HMCN1: variants seen among roughly 807,000 people sequenced by gnomAD.
HMCN1 encodes the protein hemicentin 1.
HMCN1 carries 321 observed loss-of-function variants against 625.9 expected under a neutral mutation model. The ratio of observed to expected loss-of-function variants is 0.51; its 90% confidence interval spans 0.47 to 0.56. HMCN1 has a LOEUF of 0.56. Among genes scored for constraint, HMCN1 ranks in the 20% least tolerant of loss-of-function variants. The pLI, the probability that HMCN1 is intolerant of heterozygous loss-of-function variation, is 0.00. For missense variants in HMCN1, 6,588 were observed against 6,887.3 expected (o/e 0.96, Z 1.54); for synonymous variants, 2,425 against 2,417.6 (o/e 1.00, Z -0.09).
chr1:185,979,283 G>A (rs1385773638), intron 16 of HMCN1, among the ~76,000 whole-genome samples: 4 of 152,074 alleles, frequency 2.6e-5, no homozygotes, highest in Admixed American at 6.6e-5. Flanking sequence ...TGATAGGCAG[G>A]AAAAGGTACA....
In HMCN1 at chr1:186,001,204, T is replaced by C; in HGVS notation, c.4070-94T>C. ...GTCTAGCTTTTCTAGCCATCAAATATTTCAGAATTTGCTGTATAAAGGCCC... is the reference window on the plus strand; with the variant it reads ...GTCTAGCTTTTCTAGCCATCAAATACTTCAGAATTTGCTGTATAAAGGCCC... On this transcript the variant is annotated intron_variant, in intron 26 of 106. Coordinates refer to ENST00000271588, the MANE Select transcript of HMCN1 (RefSeq NM_031935.3). 2.8e-6 allele frequency: 3 copies of C among 1,080,198 alleles called. No individual in the cohort carries two copies. In the South Asian group the frequency reaches 4.1e-5, roughly 15 times the overall value. The allele number at this position is 1,080,198 out of a possible 1,614,324, so 66.9% of individuals were successfully genotyped here.
At chr1:185,853,487 G>A (rs1038499828) in intron 2 of HMCN1, among the ~76,000 whole-genome samples, 11 of 152,060 alleles carry the variant, frequency 7.2e-5, no homozygotes, top group Non-Finnish European at 1.6e-4. Flanking sequence ...ATTCCTTTGG[G>A]CCTGAATGAA....
At chr1:185,782,217 C>T (rs1397826442) in intron 1 of HMCN1, among the ~76,000 whole-genome samples, 19 of 152,222 alleles carry the variant, frequency 1.2e-4, no homozygotes, top group African/African-American at 4.3e-4. Flanking sequence ...TCCTCCATCC[C>T]TTTATTTTGA....
chr1:185,757,287 A>C (rs1268122635), intron 1 of HMCN1, among the ~76,000 whole-genome samples: 1 of 152,194 alleles, frequency 6.6e-6, no homozygotes, highest in South Asian at 2.1e-4. Flanking sequence ...TTTAAATAAA[A>C]TATAAATTTC....
intron 89 of HMCN1, among the ~76,000 whole-genome samples, chr1:186,139,908 T>C (rs1406775647): frequency 1.3e-5 from 2 of 152,094 alleles, no homozygotes; most frequent in African/African-American, 4.8e-5. Flanking sequence ...TAAGACAGCC[T>C]TTCTCATCCA....
chr1:186,161,829 C>A (rs1278880472), intron 97 of HMCN1, among the ~76,000 whole-genome samples: 1 of 152,286 alleles, frequency 6.6e-6, no homozygotes, highest in African/African-American at 2.4e-5. Flanking sequence ...GGTAACCCAA[C>A]CTTTCTCTCT....
chr1:185,997,410 G>T lies in HMCN1; in HGVS notation c.3779-19G>T. Reference sequence around the variant, plus strand: ...TTGCTCAAAGAAAGCCTGTGATAATGCATTTATTTTCCTAATAGAACCACC... The same window carrying T: ...TTGCTCAAAGAAAGCCTGTGATAATTCATTTATTTTCCTAATAGAACCACC... On this transcript the variant is annotated intron_variant, in intron 24 of 106. Transcript: ENST00000271588. 1 of 1,493,162 alleles carries T rather than the reference G, an allele frequency of 6.7e-7. No individual in the cohort carries two copies. Among genetic ancestry groups the T allele is most frequent in the Non-Finnish European group, 9.3e-7 (1 of 1,070,714 alleles). The allele number at this position is 1,493,162 out of a possible 1,614,324, so 92.5% of individuals were successfully genotyped here. A position where few individuals can be genotyped will look rare whatever the true frequency, so the allele number is the denominator to read the frequency against.
chr1:186,104,548 C>T (rs1229630603), intron 69 of HMCN1, among the ~76,000 whole-genome samples: 1 of 152,156 alleles, frequency 6.6e-6, no homozygotes, highest in Non-Finnish European at 1.5e-5. Flanking sequence ...TCTACTATGT[C>T]CTGTTGTGTT....
chr1:185,868,807 A>G lies in HMCN1; in HGVS notation c.621+2944A>G, dbSNP rs1663429759. 2.0e-5 allele frequency among the ~76,000 whole-genome samples: 3 copies of G among 152,308 alleles called. 1 individual carries two copies. The South Asian group carries it at 6.2e-4, about 32-fold the overall frequency. On this transcript the variant is annotated intron_variant, in intron 4 of 106. Coordinates refer to ENST00000271588, the MANE Select transcript of HMCN1 (RefSeq NM_031935.3). Reference sequence around the variant, plus strand: ...AAGAAGAATACTTTATAAAAATTTGATGTAAATTCAGAAAATTTTATAAAT... The same window carrying G: ...AAGAAGAATACTTTATAAAAATTTGGTGTAAATTCAGAAAATTTTATAAAT...
intron 2 of HMCN1, among the ~76,000 whole-genome samples, 182 bp from the exon 3 acceptor site, chr1:185,864,288 C>T (rs1454534018): frequency 2.0e-5 from 3 of 152,116 alleles, no homozygotes; most frequent in African/African-American, 7.2e-5. Flanking sequence ...TCCTTAAGTA[C>T]ACATTTTTCT....
rs1236381202 is a variant in HMCN1 at position 186,057,215 on chromosome 1, GTTTTA to G, written c.7145-14_7145-10del. On this transcript the variant is annotated splice_polypyrimidine_tract_variant and intron_variant, in intron 45 of 106. Transcript: ENST00000271588. ...CAACTAATATTTCCATTCCCTGTTT[GTTTTA>G]TTTTGTCTTACAGCTCCTCCAAGCA... 1 of 1,601,670 alleles carries G rather than the reference GTTTTA, an allele frequency of 6.2e-7. No individual in the cohort carries two copies. The highest frequency in any genetic ancestry group is 1.3e-5 in the African/African-American group (1 of 74,676).
At chr1:186,157,811 G>A (rs1055052012) in intron 97 of HMCN1, among the ~76,000 whole-genome samples, 10 of 152,100 alleles carry the variant, frequency 6.6e-5, no homozygotes, top group African/African-American at 1.9e-4. Context: ...TGGTGTATAT[G>A]TGCCACATTT....
chr1:185,902,915 GC>G (rs1341147565), intron 4 of HMCN1, among the ~76,000 whole-genome samples: 3 of 150,764 alleles, frequency 2.0e-5, no homozygotes, highest in Non-Finnish European at 4.4e-5. Context: ...CTGAGATTTG[GC>G]CATTCTAAAA....
intron 5 of HMCN1, among the ~76,000 whole-genome samples, chr1:185,910,269 A>G (rs1191002169): frequency 6.6e-6 from 1 of 152,174 alleles, no homozygotes; most frequent in African/African-American, 2.4e-5. Context: ...CCAAAAGAAA[A>G]CAACCTATGA....
At chr1:185,816,906 C>T (rs1216301310) in intron 1 of HMCN1, among the ~76,000 whole-genome samples, 1 of 152,162 alleles carries the variant, frequency 6.6e-6, no homozygotes, top group East Asian at 1.9e-4. Flanking sequence ...TCTTTTTGGT[C>T]TATTGCTTAG....
At chr1:185,871,074 C>T (rs1247946253) in intron 4 of HMCN1, among the ~76,000 whole-genome samples, 1 of 151,962 alleles carries the variant, frequency 6.6e-6, no homozygotes, top group Non-Finnish European at 1.5e-5. Context: ...TACTAAAATA[C>T]AAAAATTAGC....
At chr1:185,930,943 C>G (rs1423262769) in intron 10 of HMCN1, among the ~76,000 whole-genome samples, 1 of 150,480 alleles carries the variant, frequency 6.6e-6, no homozygotes, top group Non-Finnish European at 1.5e-5. Flanking sequence ...CACACACACA[C>G]AGAGTACTAA....
intron 23 of HMCN1, among the ~76,000 whole-genome samples, chr1:185,993,739 A>G (rs1416178841): frequency 1.3e-5 from 2 of 152,196 alleles, no homozygotes; most frequent in Non-Finnish European, 2.9e-5. Flanking sequence ...GGACTCTTTG[A>G]CTACAGCTCC....
At chr1:185,819,258 G>A (rs1206364208) in intron 1 of HMCN1, among the ~76,000 whole-genome samples, 1 of 147,492 alleles carries the variant, frequency 6.8e-6, no homozygotes, top group African/African-American at 2.6e-5. Context: ...AAAAGGACCT[G>A]CTGCTAGCTT....
Sources: gnomAD v4.1 joint callset for allele counts (sites outside exome capture counted in the v4.1 genomes callset) on GRCh38, gnomAD v4.1.1 for gene constraint, MANE v1.5 for transcripts, NCBI Gene and HGNC (gene_info 2026-07-23, HGNC 2026-07-21) for gene names.